SMARCC1: variants seen among roughly 807,000 people sequenced by gnomAD.
SMARCC1 encodes SWI/SNF complex subunit SMARCC1.
SMARCC1 carries 43 observed loss-of-function variants against 147.4 expected under a neutral mutation model. The observed-to-expected ratio is 0.29, with a 90% CI of 0.23 to 0.38. The LOEUF (loss-of-function observed/expected upper bound fraction) is 0.38, where lower values mean the gene tolerates loss of function less well. Ranked by LOEUF, SMARCC1 falls within the 10% of genes least tolerant of loss-of-function variation. The pLI is 1.00. For missense variants in SMARCC1, 1,119 were observed against 1,381.1 expected (o/e 0.81, Z 3.01); for synonymous variants, 495 against 484.4 (o/e 1.02, Z -0.29).
intron 19 of SMARCC1, among the ~76,000 whole-genome samples, chr3:47,663,165 TAGGGGAGAGG>T (rs2033371738): frequency 4.4e-5 from 1 of 22,828 alleles, no homozygotes; most frequent in Non-Finnish European, 7.8e-5. Flanking sequence ...GAAGGGAGGG[TAGGGGAGAGG>T]AGGGGAGAGG....
At chr3:47,653,666 T>C (rs1483689370) in intron 21 of SMARCC1, among the ~76,000 whole-genome samples, 2 of 152,206 alleles carry the variant, frequency 1.3e-5, no homozygotes, top group African/African-American at 4.8e-5. Flanking sequence ...TTTGTCAGAA[T>C]CCAATATAAA....
intron 21 of SMARCC1, among the ~76,000 whole-genome samples, chr3:47,654,673 G>A (rs752320948): frequency 6.6e-6 from 1 of 152,310 alleles, no homozygotes; most frequent in Middle Eastern, 3.4e-3. Context: ...TCGCAACATG[G>A]CAGAGGAGGT....
At chr3:47,699,742 G>A (rs2033895768) in intron 11 of SMARCC1, among the ~76,000 whole-genome samples, 1 of 151,918 alleles carries the variant, frequency 6.6e-6, no homozygotes, top group Non-Finnish European at 1.5e-5. Context: ...AAATCATACA[G>A]ACTTATCAAT....
In SMARCC1 at chr3:47,613,830, T is replaced by TTATA. The variant is rs1322014971; in HGVS notation, c.2782-3504_2782-3503insTATA. On this transcript the variant is annotated intron_variant, in intron 25 of 27. Coordinates refer to ENST00000254480, the MANE Select transcript of SMARCC1 (RefSeq NM_003074.4). ...AAAAACCCTGCCTTCCTCTCCCTCTTCACTGTGTATGTATAAAGCAGCCGT... is the reference window on the plus strand; with the variant it reads ...AAAAACCCTGCCTTCCTCTCCCTCTTTATACACTGTGTATGTATAAAGCAGCCGT... Among the ~76,000 whole-genome samples the TTATA allele has an allele frequency of 9.9e-5, 15 of 152,204 alleles. No homozygotes were observed. In the Middle Eastern group the frequency reaches 0.017, roughly 173 times the overall value.
chr3:47,742,022 T>C (rs2034515594), intron 3 of SMARCC1, among the ~76,000 whole-genome samples: 1 of 152,056 alleles, frequency 6.6e-6, no homozygotes, highest in Admixed American at 6.6e-5. Context: ...CACAAAACTG[T>C]TTGGTTCTAT....
intron 22 of SMARCC1, among the ~76,000 whole-genome samples, chr3:47,636,623 G>A (rs536422251): frequency 6.6e-6 from 1 of 152,096 alleles, no homozygotes; most frequent in South Asian, 2.1e-4. Context: ...CATGGTGATG[G>A]GAACCTATAA....
chr3:47,659,178 G>C (rs555570536), intron 21 of SMARCC1, among the ~76,000 whole-genome samples: 3 of 144,848 alleles, frequency 2.1e-5, no homozygotes, highest in Admixed American at 7.0e-5. Context: ...AGTAAGAAAA[G>C]TCCAGGACAC....
chr3:47,666,577 G>C (rs1207248989), intron 19 of SMARCC1, among the ~76,000 whole-genome samples: 1 of 109,474 alleles, frequency 9.1e-6, no homozygotes, highest in Non-Finnish European at 1.9e-5. Flanking sequence ...AAGGCAGACT[G>C]TTTTCCTAAT....
chr3:47,693,171 T>G (rs373461176), intron 12 of SMARCC1, 70 bp downstream of exon 12: 1 of 907,556 alleles, frequency 1.1e-6, no homozygotes, highest in Non-Finnish European at 1.8e-6. Flanking sequence ...CTTGGAAGAA[T>G]AGACTATCAA....
chr3:47,671,196 A>AAACAAAAAAAAAAAAAAAC (rs1553682000), intron 18 of SMARCC1, among the ~76,000 whole-genome samples: 1 of 81,144 alleles, frequency 1.2e-5, no homozygotes, highest in Non-Finnish European at 2.4e-5. Context: ...AAAAAAAAAA[A>AAACAAAAAAAAAAAAAAAC]AACACACACA....
At chr3:47,731,582 A>C (rs2034375236) in intron 5 of SMARCC1, among the ~76,000 whole-genome samples, 1 of 152,224 alleles carries the variant, frequency 6.6e-6, no homozygotes, top group African/African-American at 2.4e-5. Flanking sequence ...GTATTTCTTA[A>C]ATAACAAGAC....
chr3:47,719,790 T>C (rs1036666445), intron 7 of SMARCC1, among the ~76,000 whole-genome samples: 3 of 152,118 alleles, frequency 2.0e-5, no homozygotes, highest in African/African-American at 4.8e-5. Context: ...GGATGGAGTG[T>C]AGTGCCATGA....
At chr3:47,741,237 C>G (rs1258125857) in intron 3 of SMARCC1, among the ~76,000 whole-genome samples, 1 of 151,612 alleles carries the variant, frequency 6.6e-6, no homozygotes, top group African/African-American at 2.4e-5. Context: ...AAAACTTTAA[C>G]TTTTTCGAAG....
chr3:47,612,426 T>C (rs1280602947), intron 25 of SMARCC1, among the ~76,000 whole-genome samples: 1 of 152,224 alleles, frequency 6.6e-6, no homozygotes, highest in Non-Finnish European at 1.5e-5. Context: ...TAGGTCAAGA[T>C]ATGCTTTATA....
intron 21 of SMARCC1, among the ~76,000 whole-genome samples, chr3:47,659,403 A>G (rs2033310145): frequency 6.6e-6 from 1 of 152,032 alleles, no homozygotes; most frequent in Non-Finnish European, 1.5e-5. Flanking sequence ...ATATATGAAT[A>G]CAGATGCAAA....
At chr3:47,743,482 G>GT (rs2034532398) in intron 3 of SMARCC1, among the ~76,000 whole-genome samples, 3 of 151,428 alleles carry the variant, frequency 2.0e-5, no homozygotes, top group Non-Finnish European at 4.4e-5. Flanking sequence ...TGTATTACAC[G>GT]TATCTTTCTA....
At chr3:47,718,339 G>A (rs1225123224) in intron 7 of SMARCC1, among the ~76,000 whole-genome samples, 1 of 151,960 alleles carries the variant, frequency 6.6e-6, no homozygotes, top group African/African-American at 2.4e-5. Context: ...CAGCTACTCA[G>A]GAGGCTAAGG....
chr3:47,686,010 G>A (rs2033717758), intron 14 of SMARCC1, 39 bp downstream of exon 14: 1 of 1,599,440 alleles, frequency 6.3e-7, no homozygotes. Flanking sequence ...TTCTTGTACT[G>A]CTCAGTACCA....
intron 18 of SMARCC1, among the ~76,000 whole-genome samples, chr3:47,671,717 C>T (rs953929358): frequency 5.3e-5 from 8 of 152,192 alleles, no homozygotes; most frequent in East Asian, 3.8e-4. Context: ...TGTAGTATAG[C>T]TGATACTATC....
Sources: gnomAD v4.1 joint callset for allele counts (sites outside exome capture counted in the v4.1 genomes callset) on GRCh38, gnomAD v4.1.1 for gene constraint, MANE v1.5 for transcripts, NCBI Gene and HGNC (gene_info 2026-07-23, HGNC 2026-07-21) for gene names.